SLC36A1: variants seen among roughly 807,000 people sequenced by gnomAD.
The protein encoded by SLC36A1 is proton-coupled amino acid transporter 1.
A neutral mutation model predicts 47.5 loss-of-function variants in SLC36A1; 30 were observed. That is an observed-to-expected ratio of 0.63 (90% CI 0.47 to 0.86). The LOEUF (loss-of-function observed/expected upper bound fraction) is 0.86, where lower values mean the gene tolerates loss of function less well. SLC36A1 is among the 40% of genes least tolerant of loss of function. The pLI, the probability that SLC36A1 is intolerant of heterozygous loss-of-function variation, is 0.00. For synonymous variants in SLC36A1, 255 were observed against 249.7 expected, an observed-to-expected ratio of 1.02 and a Z score of -0.20; for missense variants, 517 against 606.0, an observed-to-expected ratio of 0.85 and a Z score of 1.54.
the SLC36A1 span, chr5:151,543,178 A>C: frequency 6.2e-7 from 1 of 1,614,076 alleles, no homozygotes; most frequent in East Asian, 2.2e-5. Flanking sequence ...TTCCAATCCC[A>C]CCAGGCTGTC....
the SLC36A1 span, among the ~76,000 whole-genome samples, chr5:151,349,115 G>A: frequency 6.6e-6 from 1 of 152,204 alleles, no homozygotes. Context: ...CAGATTTGAT[G>A]TCGCAGGTGG....
chr5:151,362,324 T>C, the SLC36A1 span, among the ~76,000 whole-genome samples: 1 of 151,878 alleles, frequency 6.6e-6, no homozygotes, highest in Non-Finnish European at 1.5e-5. Flanking sequence ...TATTGATCCT[T>C]CTTCTATTAT....
chr5:151,512,805 C>A, the SLC36A1 span: 1 of 595,960 alleles, frequency 1.7e-6, no homozygotes, highest in South Asian at 2.1e-5. This position sits in a 1 kb window ranked among gnomAD's most constrained non-coding sequence, Gnocchi z 4.1. Flanking sequence ...TCTCACCACA[C>A]CCCATGGGAT....
chr5:151,528,023 C>G, the SLC36A1 span: 1 of 1,614,236 alleles, frequency 6.2e-7, no homozygotes, highest in South Asian at 1.1e-5. Flanking sequence ...CCTTGGCCAC[C>G]TGTAGCTCCC....
downstream of SLC36A1, among the ~76,000 whole-genome samples, chr5:151,497,157 A>G (rs972568136): frequency 6.6e-6 from 1 of 152,200 alleles, no homozygotes; most frequent in African/African-American, 2.4e-5. Context: ...CCAGTTTAAA[A>G]AAAGTGGTGA....
intron 7 of SLC36A1, among the ~76,000 whole-genome samples, chr5:151,472,439 C>T (rs1034457771): frequency 9.9e-5 from 15 of 152,252 alleles, no homozygotes; most frequent in African/African-American, 3.4e-4. Flanking sequence ...CACAAACACA[C>T]GCAGGAACAA....
chr5:151,420,683 T>A, the SLC36A1 span, among the ~76,000 whole-genome samples: 1 of 152,162 alleles, frequency 6.6e-6, no homozygotes, highest in Admixed American at 6.5e-5. Context: ...TACAGAAGTC[T>A]ATAAAGTAAG....
the SLC36A1 span, chr5:151,381,160 G>T: frequency 2.2e-6 from 1 of 462,042 alleles, no homozygotes; most frequent in Non-Finnish European, 4.3e-6. Flanking sequence ...TGGCTGTGTG[G>T]AAGGAGCTGA....
At chr5:151,386,153 C>T in the SLC36A1 span, among the ~76,000 whole-genome samples, 2 of 152,090 alleles carry the variant, frequency 1.3e-5, no homozygotes, top group Non-Finnish European at 2.9e-5. Flanking sequence ...GCTGAGATTA[C>T]AGGCATGAGC....
intron 9 of SLC36A1, chr5:151,477,034 C>A (rs1758166558): frequency 1.9e-6 from 1 of 534,720 alleles, no homozygotes. Flanking sequence ...GTATCTAGTC[C>A]ATTCATGGTA....
At chr5:151,511,393 A>C in the SLC36A1 span, 5 of 152,248 alleles carry the variant, frequency 3.3e-5, no homozygotes, top group Non-Finnish European at 7.3e-5. Context: ...TGTATAGAAT[A>C]GCCATGCTGA....
At chr5:151,546,287 G>C in the SLC36A1 span, 2,473 of 1,614,076 alleles carry the variant, frequency 1.5e-3, 37 homozygotes, top group African/African-American at 0.028. Flanking sequence ...TTTTGAGCTA[G>C]AGTAATGATG....
At chr5:151,487,894 T>C in intron 10 of SLC36A1, 89 bp from the exon 11 acceptor site, 4 of 1,462,890 alleles carry the variant, frequency 2.7e-6, no homozygotes, top group Non-Finnish European at 3.8e-6. Context: ...TCCTATAAGA[T>C]GGACAGATGC....
chr5:151,352,667 A>G, the SLC36A1 span, among the ~76,000 whole-genome samples: 1 of 152,156 alleles, frequency 6.6e-6, no homozygotes, highest in Admixed American at 6.5e-5. Context: ...TCTTCTTCCT[A>G]GCTTCTAGAG....
At chr5:151,469,963 C>T (rs192082865) in intron 7 of SLC36A1, among the ~76,000 whole-genome samples, 163 of 152,258 alleles carry the variant, frequency 1.1e-3, no homozygotes, top group African/African-American at 3.8e-3. Flanking sequence ...AAGCAAATGA[C>T]ATTATCAATT....
rs552482434 is a variant in SLC36A1 at position 151,437,969 on chromosome 5, A to G, written c.-6+790A>G. Among the ~76,000 whole-genome samples, 3 of 152,188 alleles carry G rather than the reference A, an allele frequency of 2.0e-5. No homozygotes were observed. The South Asian group carries it at 6.2e-4, about 32-fold the overall frequency. ...TTCCTCCATCTTTAAAGCCAGTAGA[A>G]TAGAAACTTCTCTCCTCTCTGACCC... is the stretch of plus-strand genomic sequence containing the variant. On this transcript the variant is annotated intron_variant, in intron 1 of 8. Coordinates refer to the SLC36A1 transcript ENST00000429484.
At chr5:151,553,534 C>T in the SLC36A1 span, 6 of 731,822 alleles carry the variant, frequency 8.2e-6, no homozygotes, top group East Asian at 1.3e-4. Context: ...TACTTGAAGG[C>T]TTGCTGTAAA....
the SLC36A1 span, among the ~76,000 whole-genome samples, chr5:151,407,028 G>C: frequency 6.6e-6 from 1 of 150,848 alleles, no homozygotes; most frequent in Non-Finnish European, 1.5e-5. Context: ...TAAAGGTGGC[G>C]CGTCCAGAGT....
chr5:151,459,311 A>G (rs1471943757), intron 2 of SLC36A1, among the ~76,000 whole-genome samples: 3 of 152,156 alleles, frequency 2.0e-5, no homozygotes, highest in Non-Finnish European at 4.4e-5. Context: ...CTGCCCCATC[A>G]CCAAATCAGT....
Sources: allele counts gnomAD v4.1 joint callset (sites outside exome capture counted in the v4.1 genomes callset), GRCh38; gene constraint gnomAD v4.1.1; non-coding constraint Gnocchi (gnomAD v3.1); transcripts MANE v1.5; gene names NCBI Gene and HGNC (gene_info 2026-07-23, HGNC 2026-07-21).